Variants in FANCD2 observed in about 807,000 individuals in gnomAD.
The protein encoded by FANCD2 is FA complementation group D2.
FANCD2 carries 131 observed loss-of-function variants against 192.3 expected under a neutral mutation model. The observed-to-expected ratio is 0.68, with a 90% confidence interval of 0.59 to 0.79. The LOEUF is 0.79. Ranked by LOEUF, FANCD2 falls within the 30% of genes least tolerant of loss-of-function variation. FANCD2 has a pLI of 0.00. For missense variants in FANCD2, 1,508 were observed against 1,701.6 expected (o/e 0.89, Z 2.00); for synonymous variants, 524 against 612.5 (o/e 0.86, Z 2.13).
chr3:10,055,087 A>G (rs377174615), intron 18 of FANCD2, among the ~76,000 whole-genome samples: 12 of 152,284 alleles, frequency 7.9e-5, no homozygotes, highest in African/African-American at 2.6e-4. Context: ...TGCATTTAGC[A>G]GTTTATTTTG....
intron 26 of FANCD2, among the ~76,000 whole-genome samples, chr3:10,071,839 G>A (rs1437972383): frequency 1.3e-5 from 2 of 151,904 alleles, no homozygotes; most frequent in Non-Finnish European, 2.9e-5. Context: ...GGCTTACTGC[G>A]ACCTCTGCCT....
At chr3:10,046,160 TCTC>T in intron 14 of FANCD2, among the ~76,000 whole-genome samples, 1 of 151,038 alleles carries the variant, frequency 6.6e-6, no homozygotes, top group East Asian at 1.9e-4. Context: ...TTCACGCCAT[TCTC>T]CTGCCTCAGC....
chr3:10,092,290 A>G (rs1389121676), intron 38 of FANCD2, 38 bp downstream of exon 38: 1 of 1,480,998 alleles, frequency 6.8e-7, no homozygotes, highest in South Asian at 1.1e-5. Context: ...TCACCAAATA[A>G]CTGCAGAAAC....
At chr3:10,051,603 A>T (rs573120639) in intron 17 of FANCD2, among the ~76,000 whole-genome samples, 1 of 133,394 alleles carries the variant, frequency 7.5e-6, no homozygotes, top group Non-Finnish European at 1.8e-5. Flanking sequence ...GAGAAGCATC[A>T]AGGAGGAGAG....
chr3:10,078,097 A>G lies in FANCD2; in HGVS notation c.2876A>G (p.Gln959Arg). 1 of 1,613,232 alleles carries G rather than the reference A, an allele frequency of 6.2e-7. No homozygotes were observed. Among genetic ancestry groups the G allele is most frequent in the Non-Finnish European group, 8.5e-7 (1 of 1,179,296 alleles). ...ATGTGACAGGCTACAGAAGTTGTGC[A>G]ACTTGGGCCCCCTGAGCTGCTTTTC... ...EMHTEATEVV[Q>R]LGPPELLFLL... The change falls in exon 30 of 44, where the codon CAA becomes CGA. Residue 959 changes from glutamine to arginine, a missense_variant. Gln to Arg is a conservative substitution (Grantham distance 43, BLOSUM62 1). Around this residue, in one of 5 missense-constraint regions of FANCD2, gnomAD observed 796 missense variants for 879.4 expected, o/e 0.91. Transcript: ENST00000675286.
chr3:10,083,936 A>C, intron 32 of FANCD2, among the ~76,000 whole-genome samples: 1 of 150,988 alleles, frequency 6.6e-6, no homozygotes, highest in South Asian at 2.1e-4. Context: ...TGGTACAGGA[A>C]TATTTTGAGC....
In FANCD2 at chr3:10,087,105, ATTTG is replaced by A. The variant is rs1399603005; in HGVS notation, c.3336-21_3336-18del. The A allele has an allele frequency of 1.9e-6, 3 of 1,613,172 alleles. No individual in the cohort carries two copies. In the African/African-American group the frequency reaches 4.0e-5, roughly 22 times the overall value. ...TCTGTGACACATAGGATACTATTGC[ATTTG>A]TTTGTTTTTCTTGTCTCCTTACAGC... On this transcript the variant is annotated intron_variant, in intron 33 of 43. Coordinates refer to ENST00000675286, the MANE Select transcript of FANCD2 (RefSeq NM_001018115.3).
At position 10,064,349 on chromosome 3, in the gene FANCD2, C is replaced by T. The variant is rs757782326; in HGVS notation, c.1948-7C>T. On this transcript the variant is annotated splice_region_variant and splice_polypyrimidine_tract_variant and intron_variant, in intron 21 of 43. Coordinates refer to ENST00000675286, the MANE Select transcript of FANCD2 (RefSeq NM_001018115.3). ...CACTGCCCTTTTTGTTTGTTTGCTT[C>T]CTGAAGGAATGGGTTGGGCATACCA... 2.1e-5 allele frequency: 34 copies of T among 1,597,602 alleles called. No individual in the cohort carries two copies. The South Asian group carries it at 2.9e-4, about 13-fold the overall frequency.
chr3:10,046,116 C>G (rs564959157), intron 14 of FANCD2, among the ~76,000 whole-genome samples: 1 of 143,794 alleles, frequency 7.0e-6, no homozygotes, highest in Non-Finnish European at 1.5e-5. Context: ...TGCAGTGGCG[C>G]GATCTCGGCT....
intron 2 of FANCD2, among the ~76,000 whole-genome samples, chr3:10,029,492 AGAGACCAT>A (rs1238514016): frequency 6.6e-6 from 1 of 152,134 alleles, no homozygotes; most frequent in African/African-American, 2.4e-5. Flanking sequence ...ACAGAGCAAG[AGAGACCAT>A]GTCTCAAAAA....
intron 32 of FANCD2, among the ~76,000 whole-genome samples, chr3:10,083,887 C>CAA (rs1301118343): frequency 9.6e-4 from 42 of 43,770 alleles, no homozygotes; most frequent in African/African-American, 2.4e-3. Context: ...GACTCCGTCT[C>CAA]AAAAAAAAAA....
chr3:10,037,163 C>T (rs2086753224), intron 7 of FANCD2, among the ~76,000 whole-genome samples: 1 of 151,892 alleles, frequency 6.6e-6, no homozygotes, highest in Non-Finnish European at 1.5e-5. Context: ...AAGAAATGAA[C>T]AGCCTAATAG....
At chr3:10,093,160 G>GT in intron 38 of FANCD2, 125 bp from the exon 39 acceptor site, 1 of 733,204 alleles carries the variant, frequency 1.4e-6, no homozygotes, top group East Asian at 2.5e-5. Context: ...TAATTTAAAT[G>GT]TTGACATTCC....
intron 26 of FANCD2, among the ~76,000 whole-genome samples, chr3:10,069,105 A>G (rs1305377346): frequency 6.6e-6 from 1 of 152,230 alleles, no homozygotes; most frequent in African/African-American, 2.4e-5. Flanking sequence ...TTCCTGAGGA[A>G]TACCCTACAA....
intron 42 of FANCD2, among the ~76,000 whole-genome samples, chr3:10,097,864 C>G (rs1056648199): frequency 2.0e-5 from 3 of 152,214 alleles, no homozygotes; most frequent in Non-Finnish European, 2.9e-5. Flanking sequence ...ATTTGGGGAA[C>G]TAATAAATGT....
At position 10,033,002 on chromosome 3, in the gene FANCD2, G is replaced by A. The variant is rs758579639; in HGVS notation, c.205+30G>A. On this transcript the variant is annotated intron_variant, in intron 3 of 43. Coordinates refer to ENST00000675286, the MANE Select transcript of FANCD2 (RefSeq NM_001018115.3). ...TATTTTAATCTAATTTTATTCTCTG[G>A]GTTTAATGAAATAGTTCAGGACTGA... The A allele has an allele frequency of 2.0e-6, 3 of 1,507,346 alleles. No individual in the cohort carries two copies. The South Asian group carries it at 3.4e-5, about 17-fold the overall frequency. 93.4% of individuals were successfully genotyped at this position (1,507,346 alleles called of 1,614,324 possible).
chr3:10,059,962 G>C (rs2087517376), intron 18 of FANCD2, among the ~76,000 whole-genome samples: 1 of 151,970 alleles, frequency 6.6e-6, no homozygotes, highest in Non-Finnish European at 1.5e-5. Context: ...CCTGAGGTCA[G>C]GAGTTCACCA....
intron 2 of FANCD2, among the ~76,000 whole-genome samples, chr3:10,031,319 T>G (rs3105784): frequency 6.6e-6 from 1 of 151,452 alleles, no homozygotes; most frequent in Admixed American, 6.6e-5. Flanking sequence ...TTGGCTAACA[T>G]GGTGAAACCC....
At position 10,081,317 on chromosome 3, in the gene FANCD2, A is replaced by C. The variant is rs1693821464; in HGVS notation, c.3106-29A>C. ...GGAAAATGAGGACAATTACTGAAGC[A>C]ACTGTCCTAAAATCATTTTTATTTT... is the stretch of plus-strand genomic sequence containing the variant. On this transcript the variant is annotated intron_variant, in intron 31 of 43. Coordinates refer to ENST00000675286, the MANE Select transcript of FANCD2 (RefSeq NM_001018115.3). The C allele has an allele frequency of 1.9e-6, 3 of 1,611,618 alleles. No homozygotes were observed. In the African/African-American group the frequency reaches 4.0e-5, roughly 21 times the overall value.
Sources: allele counts gnomAD v4.1 joint callset (sites outside exome capture counted in the v4.1 genomes callset), GRCh38; gene constraint gnomAD v4.1.1; regional missense constraint gnomAD v4.1.1; transcripts MANE v1.5; gene names NCBI Gene and HGNC (gene_info 2026-07-23, HGNC 2026-07-21).